PIK3R5: variants seen among roughly 807,000 people sequenced by gnomAD.
The protein encoded by PIK3R5 is phosphoinositide 3-kinase regulatory subunit 5.
Under a neutral mutation model 94.9 loss-of-function variants are expected in PIK3R5, and 32 were observed. The observed-to-expected ratio is 0.34, with a 90% CI of 0.25 to 0.45. The LOEUF (loss-of-function observed/expected upper bound fraction) is 0.45, where lower values mean the gene tolerates loss of function less well. Ranked by LOEUF, PIK3R5 falls within the 20% of genes least tolerant of loss-of-function variation. The probability of loss-of-function intolerance (pLI) is 1.00; values close to 1 mark genes in which losing one functional copy is unlikely to be tolerated. For missense variants in PIK3R5, 853 were observed against 1,144.6 expected (o/e 0.75, Z 3.68); for synonymous variants, 443 against 479.4 (o/e 0.92, Z 0.99).
chr17:8,888,551 T>C lies in PIK3R5; in HGVS notation c.1236A>G (p.Arg412=). ...WPWRRGSQER[R]GHRRPGQKFI... Reference sequence around the variant, plus strand: ...ACTTCTGCCCAGGCCTGCGGTGGCCTCGGCGTTCCTGGCTGCCACGCCTCC... The same window carrying C: ...ACTTCTGCCCAGGCCTGCGGTGGCCCCGGCGTTCCTGGCTGCCACGCCTCC... Residue 412 remains arginine (R), a synonymous_variant, in exon 10 of 19, where the codon CGA becomes CGG. Coordinates refer to ENST00000447110, the MANE Select transcript of PIK3R5 (RefSeq NM_001142633.3). The surrounding 1 kb of genome is among the most constrained non-coding windows in gnomAD (Gnocchi z 7.8). The C allele has an allele frequency of 6.2e-7, 1 of 1,611,944 alleles. No homozygotes were observed. Among genetic ancestry groups the C allele is most frequent in the Non-Finnish European group, 8.5e-7 (1 of 1,179,754 alleles).
rs1418018465 is a variant in PIK3R5 at position 8,920,388 on chromosome 17, T to C, written c.-13-8881A>G. On this transcript the variant is annotated intron_variant, in intron 1 of 18. Coordinates refer to ENST00000447110, the MANE Select transcript of PIK3R5 (RefSeq NM_001142633.3). ...ACCTTAGGTACCATTTAGTACAACA[T>C]TCCCACTCTACAGATATGAAAACAA... 2.0e-5 allele frequency among the ~76,000 whole-genome samples: 3 copies of C among 152,202 alleles called. No homozygotes were observed. The East Asian group carries it at 5.8e-4, about 29-fold the overall frequency.
At chr17:8,961,020 C>T (rs1413163763) in intron 1 of PIK3R5, among the ~76,000 whole-genome samples, 1 of 152,136 alleles carries the variant, frequency 6.6e-6, no homozygotes, top group East Asian at 1.9e-4. Context: ...CCCTGTAGGC[C>T]TGGGCGGTCA....
In PIK3R5 at chr17:8,893,710, C is replaced by A; in HGVS notation, c.413-55G>T. On this transcript the variant is annotated intron_variant, in intron 5 of 18. Coordinates refer to ENST00000447110, the MANE Select transcript of PIK3R5 (RefSeq NM_001142633.3). The surrounding 1 kb of genome is among the most constrained non-coding windows in gnomAD (Gnocchi z 5.1). ...GCTGATCAGTTCCTTCAGCATCGTC[C>A]GTGTGCCTCGTGGGGAGCCAAGCAC... is the stretch of plus-strand genomic sequence containing the variant. 1 of 1,352,420 alleles carries A rather than the reference C, an allele frequency of 7.4e-7. No homozygotes were observed. 83.8% of individuals were successfully genotyped at this position (1,352,420 alleles called of 1,614,324 possible).
intron 13 of PIK3R5, 25 bp downstream of exon 13, chr17:8,886,452 G>A: frequency 1.3e-6 from 2 of 1,596,104 alleles, no homozygotes; most frequent in Non-Finnish European, 1.7e-6. Context: ...TGGGGAAGAG[G>A]CGGTTCGGGG....
intron 1 of PIK3R5, among the ~76,000 whole-genome samples, chr17:8,947,394 C>G (rs756730526): frequency 5.9e-5 from 9 of 152,052 alleles, no homozygotes; most frequent in Non-Finnish European, 1.0e-4. Context: ...GAAAAGGACC[C>G]ATGACTGGGG....
At position 8,909,029 on chromosome 17, in the gene PIK3R5, G is replaced by A. The variant is rs112046155; in HGVS notation, c.204+45C>T. The A allele has an allele frequency of 1.0e-4, 124 of 1,234,412 alleles. No homozygotes were observed. The highest frequency in any genetic ancestry group is 1.3e-4 in the African/African-American group (9 of 66,928). The allele number at this position is 1,234,412 out of a possible 1,614,324, so 76.5% of individuals were successfully genotyped here. ...TCTGGGACCTATTTCTCCACTCTACGAGGCCGACCCCAGATCTGCCCTTCA... is the reference window on the plus strand; with the variant it reads ...TCTGGGACCTATTTCTCCACTCTACAAGGCCGACCCCAGATCTGCCCTTCA... On this transcript the variant is annotated intron_variant, in intron 3 of 18. Coordinates refer to ENST00000447110, the MANE Select transcript of PIK3R5 (RefSeq NM_001142633.3). The surrounding 1 kb of genome is among the most constrained non-coding windows in gnomAD (Gnocchi z 4.3).
At chr17:8,944,395 C>T (rs1262085523) in intron 1 of PIK3R5, among the ~76,000 whole-genome samples, 2 of 152,168 alleles carry the variant, frequency 1.3e-5, no homozygotes, top group East Asian at 3.8e-4. Flanking sequence ...CATATGCATG[C>T]ATGTGTCTTC....
intron 3 of PIK3R5, among the ~76,000 whole-genome samples, chr17:8,908,730 G>A (rs545376939): frequency 1.3e-5 from 2 of 152,032 alleles, no homozygotes; most frequent in African/African-American, 4.8e-5. Flanking sequence ...TTACCTTTCC[G>A]ATCAGTTTTC....
At chr17:8,953,518 T>C (rs1164685493) in intron 1 of PIK3R5, among the ~76,000 whole-genome samples, 1 of 152,174 alleles carries the variant, frequency 6.6e-6, no homozygotes, top group African/African-American at 2.4e-5. Flanking sequence ...CACAGGCTAA[T>C]GTGTTGAACT....
chr17:8,953,578 C>T (rs1330015537), intron 1 of PIK3R5, among the ~76,000 whole-genome samples: 1 of 152,200 alleles, frequency 6.6e-6, no homozygotes, highest in Admixed American at 6.5e-5. Context: ...TCACATTTGG[C>T]ATCAAATGGG....
Position 8,911,564 on chromosome 17 carries a change from G to T in PIK3R5, c.-13-57C>A. The T allele has an allele frequency of 8.4e-7, 1 of 1,185,556 alleles. No homozygotes were observed. The highest frequency in any genetic ancestry group is 1.2e-6 in the Non-Finnish European group (1 of 820,772). The allele number at this position is 1,185,556 out of a possible 1,614,324, so 73.4% of individuals were successfully genotyped here. On this transcript the variant is annotated intron_variant, in intron 1 of 18. Transcript: ENST00000447110. This position sits in a 1 kb window ranked among gnomAD's most constrained non-coding sequence, Gnocchi z 5.3. ...CGAGCTCCTTTCCCAGAGAGCACCT[G>T]GTCCAGTAAAGACAACAGGTGCTCA...
At chr17:8,940,142 G>T (rs2091148805) in intron 1 of PIK3R5, among the ~76,000 whole-genome samples, 1 of 152,196 alleles carries the variant, frequency 6.6e-6, no homozygotes, top group South Asian at 2.1e-4. Flanking sequence ...TGAAGGTGTG[G>T]TGTCAGAGCC....
rs112495060 is a variant in PIK3R5 at position 8,934,732 on chromosome 17, G to A, written c.-13-23225C>T. On this transcript the variant is annotated intron_variant, in intron 1 of 18. Coordinates refer to ENST00000447110, the MANE Select transcript of PIK3R5 (RefSeq NM_001142633.3). ...CACACGTAGATCAACACAATAAGTCGTATCATGGGTTTTTAAACATAAATA... is the reference window on the plus strand; with the variant it reads ...CACACGTAGATCAACACAATAAGTCATATCATGGGTTTTTAAACATAAATA... Among the ~76,000 whole-genome samples the A allele has an allele frequency of 2.2e-3, 336 of 152,270 alleles. 1 individual carries two copies. The highest frequency in any genetic ancestry group is 7.5e-3 in the African/African-American group (311 of 41,536).
chr17:8,885,006 T>G, intron 14 of PIK3R5: 1 of 546,918 alleles, frequency 1.8e-6, no homozygotes, highest in Non-Finnish European at 3.3e-6. Context: ...ATCTCCGCTG[T>G]GATCACACAT....
At chr17:8,929,435 G>A (rs1349372393) in intron 1 of PIK3R5, among the ~76,000 whole-genome samples, 1 of 152,156 alleles carries the variant, frequency 6.6e-6, no homozygotes. Flanking sequence ...GTGGAGCTCA[G>A]AGCAAAGAGA....
In PIK3R5 at chr17:8,888,679, C is replaced by T; in HGVS notation, c.1108G>A (p.Ala370Thr). ...SLASSQASGP[A>T]LSRHLLTSFV... is the part of the protein sequence containing the mutation. ...GAAGTCAGCAGATGGCGCGAGAGGG[C>T]CGGCCCCGAGGCCTGGGAGGATGCA... Residue 370 changes from alanine to threonine, a missense_variant, in exon 10 of 19, where the codon GCC becomes ACC. Physicochemically the swap from Ala to Thr is moderately conservative, Grantham distance 58. Coordinates refer to ENST00000447110, the MANE Select transcript of PIK3R5 (RefSeq NM_001142633.3). This position sits in a 1 kb window ranked among gnomAD's most constrained non-coding sequence, Gnocchi z 7.8. The T allele has an allele frequency of 6.2e-7, 1 of 1,613,930 alleles. No individual in the cohort carries two copies.
intron 11 of PIK3R5, 27 bp downstream of exon 11, chr17:8,887,494 G>C (rs61761063): frequency 1.3e-6 from 2 of 1,568,254 alleles, no homozygotes; most frequent in Non-Finnish European, 1.7e-6. Flanking sequence ...TACTTTCCCC[G>C]ACCATTGGCC....
At chr17:8,951,276 C>T (rs567095297) in intron 1 of PIK3R5, among the ~76,000 whole-genome samples, 2 of 152,168 alleles carry the variant, frequency 1.3e-5, no homozygotes, top group African/African-American at 4.8e-5. Context: ...TTTGTGCGTA[C>T]AGTTCTAAGT....
intron 1 of PIK3R5, among the ~76,000 whole-genome samples, chr17:8,940,375 A>T (rs1314382394): frequency 1.6e-5 from 2 of 128,790 alleles, no homozygotes; most frequent in Non-Finnish European, 3.3e-5. Flanking sequence ...AAGGCTTAAG[A>T]ACAATCCCAA....
Sources: allele counts gnomAD v4.1 joint callset (sites outside exome capture counted in the v4.1 genomes callset), GRCh38; gene constraint gnomAD v4.1.1; non-coding constraint Gnocchi (gnomAD v3.1); transcripts MANE v1.5; gene names NCBI Gene and HGNC (gene_info 2026-07-23, HGNC 2026-07-21).